The following COL23A1 variants were observed in gnomAD, a reference collection of about 807,000 sequenced individuals.
COL23A1 encodes collagen alpha-1(XXIII) chain.
In COL23A1, 97 loss-of-function variants were observed where a neutral mutation model predicts 99.3. That is an observed-to-expected ratio of 0.98 (90% CI 0.83 to 1.16). The LOEUF is 1.16. COL23A1 is among the 50% of genes most tolerant of loss of function. The pLI is 0.00. For missense variants in COL23A1, 762 were observed against 757.4 expected, an observed-to-expected ratio of 1.01 and a Z score of -0.07; for synonymous variants, 320 against 308.2, an observed-to-expected ratio of 1.04 and a Z score of -0.40.
intron 2 of COL23A1, among the ~76,000 whole-genome samples, chr5:178,353,431 T>C (rs1761443449): frequency 6.6e-6 from 1 of 152,096 alleles, no homozygotes; most frequent in African/African-American, 2.4e-5. Context: ...TGAGAAAATA[T>C]TTCCAACCCA....
intron 2 of COL23A1, among the ~76,000 whole-genome samples, chr5:178,471,530 T>A (rs1756751527): frequency 5.2e-5 from 1 of 19,214 alleles, no homozygotes; most frequent in Non-Finnish European, 8.9e-5. Context: ...TGAGCCACTG[T>A]GCCTTGGCCT....
chr5:178,428,113 A>G lies in COL23A1; in HGVS notation c.362-121194T>C, dbSNP rs1188712660. 6.6e-6 allele frequency among the ~76,000 whole-genome samples: 1 copy of G among 152,192 alleles called. No homozygotes were observed. Among genetic ancestry groups the G allele is most frequent in the African/African-American group, 2.4e-5 (1 of 41,446 alleles). On this transcript the variant is annotated intron_variant, in intron 2 of 28. Transcript: ENST00000390654. The surrounding 1 kb of genome is among the most constrained non-coding windows in gnomAD (Gnocchi z 5.0). ...GTCCAGCCTTTCCAGCAATGAGGGT[A>G]TCATCAAAAGCCCACATCTATGCTC...
At chr5:178,561,241 G>A (rs527741658) in intron 1 of COL23A1, among the ~76,000 whole-genome samples, 21 of 152,298 alleles carry the variant, frequency 1.4e-4, no homozygotes, top group Admixed American at 8.5e-4. Flanking sequence ...CTGATGGCCC[G>A]GGTTGAATCA....
rs1199245170 is a variant in COL23A1 at position 178,238,407 on chromosome 5, A to G, written c.*291T>C. On this transcript the variant is annotated 3_prime_UTR_variant, in exon 29 of 29. Transcript: ENST00000390654. ...TGCTGATCAGGTGACTGAAGGCCCAACGTAGCATCTTTCTAGCCTTGCCCG... is the reference window on the plus strand; with the variant it reads ...TGCTGATCAGGTGACTGAAGGCCCAGCGTAGCATCTTTCTAGCCTTGCCCG... 6 of 475,588 alleles carry G rather than the reference A, an allele frequency of 1.3e-5. No homozygotes were observed. The highest frequency in any genetic ancestry group is 2.3e-5 in the Non-Finnish European group (6 of 263,158). 29.5% of individuals were successfully genotyped at this position (475,588 alleles called of 1,614,324 possible).
chr5:178,377,064 C>A (rs769186866), intron 2 of COL23A1, among the ~76,000 whole-genome samples: 4 of 152,208 alleles, frequency 2.6e-5, no homozygotes, highest in Non-Finnish European at 5.9e-5. Context: ...AATGCGATGC[C>A]CCGCAGCCTG....
chr5:178,482,011 T>G (rs917144770), intron 2 of COL23A1, among the ~76,000 whole-genome samples: 5 of 136,610 alleles, frequency 3.7e-5, no homozygotes, highest in African/African-American at 1.3e-4. Context: ...CCCTAAAACT[T>G]AAAGTATAAT....
chr5:178,418,374 C>A (rs1028233599), intron 2 of COL23A1, among the ~76,000 whole-genome samples: 3 of 152,226 alleles, frequency 2.0e-5, no homozygotes, highest in Non-Finnish European at 4.4e-5. Flanking sequence ...GCTTGAAGTT[C>A]CTCCATGCAG....
chr5:178,497,918 A>T (rs2127979955), intron 2 of COL23A1, among the ~76,000 whole-genome samples: 1 of 152,196 alleles, frequency 6.6e-6, no homozygotes, highest in East Asian at 1.9e-4. Flanking sequence ...CATATTTAAA[A>T]GAGAATATAT....
At chr5:178,483,339 G>A (rs1045360958) in intron 2 of COL23A1, among the ~76,000 whole-genome samples, 3 of 152,058 alleles carry the variant, frequency 2.0e-5, no homozygotes, top group Non-Finnish European at 4.4e-5. Flanking sequence ...ATCTTGAATG[G>A]TAGGAATCTT....
chr5:178,523,947 C>T (rs142529814), intron 2 of COL23A1, among the ~76,000 whole-genome samples: 1 of 152,288 alleles, frequency 6.6e-6, no homozygotes, highest in African/African-American at 2.4e-5. Flanking sequence ...CTCCTATCTA[C>T]GACCCTTCCT....
At chr5:178,403,496 G>T (rs2127768675) in intron 2 of COL23A1, among the ~76,000 whole-genome samples, 1 of 152,326 alleles carries the variant, frequency 6.6e-6, no homozygotes, top group African/African-American at 2.4e-5. Context: ...CATCGATGGT[G>T]TCCACTCAGC....
Position 178,302,158 on chromosome 5 carries a change from G to A in COL23A1, c.406+4717C>T, listed in dbSNP as rs1336336015. Among the ~76,000 whole-genome samples the A allele has an allele frequency of 4.3e-5, 4 of 92,034 alleles. 2 individuals are homozygous for A. The highest frequency in any genetic ancestry group is 1.0e-4 in the Non-Finnish European group (4 of 39,152). The allele number at this position is 92,034 out of a possible 152,430, so 60.4% of individuals were successfully genotyped here. On this transcript the variant is annotated intron_variant, in intron 3 of 28. Coordinates refer to ENST00000390654, the MANE Select transcript of COL23A1 (RefSeq NM_173465.4). ...GCTTCAATCCACCTGTGTGTGCGCC[G>A]GAGCACAGCTTCAATGCTGCACCTC...
chr5:178,322,851 C>T (rs911658495), intron 2 of COL23A1, among the ~76,000 whole-genome samples: 5 of 152,204 alleles, frequency 3.3e-5, no homozygotes, highest in Non-Finnish European at 5.9e-5. Context: ...TGCACCACAA[C>T]GCAGCATGGG....
chr5:178,238,819 C>G, intron 28 of COL23A1, 119 bp from the exon 29 acceptor site: 2 of 1,386,130 alleles, frequency 1.4e-6, no homozygotes, highest in Non-Finnish European at 2.1e-6. Context: ...CCTCCCCCCA[C>G]TCCCTCTCAG....
intron 3 of COL23A1, among the ~76,000 whole-genome samples, chr5:178,298,851 T>G (rs1246483423): frequency 6.6e-6 from 1 of 152,230 alleles, no homozygotes; most frequent in Non-Finnish European, 1.5e-5. Context: ...TGAGCCACTG[T>G]GCCTAGCCTG....
At chr5:178,454,160 G>A (rs1767639329) in intron 2 of COL23A1, among the ~76,000 whole-genome samples, 1 of 152,112 alleles carries the variant, frequency 6.6e-6, no homozygotes, top group Non-Finnish European at 1.5e-5. Context: ...AAGTTAAAAG[G>A]GCTGTTTTCT....
chr5:178,514,878 C>A (rs185514865), intron 2 of COL23A1, among the ~76,000 whole-genome samples: 1 of 152,212 alleles, frequency 6.6e-6, no homozygotes, highest in African/African-American at 2.4e-5. Flanking sequence ...AATTATGATG[C>A]GGCATTTTCA....
At chr5:178,339,402 T>A (rs989298374) in intron 2 of COL23A1, among the ~76,000 whole-genome samples, 1 of 152,124 alleles carries the variant, frequency 6.6e-6, no homozygotes, top group African/African-American at 2.4e-5. Context: ...CGAAATGAGA[T>A]CCTTAAGCCT....
chr5:178,504,672 C>G (rs543624489), intron 2 of COL23A1, among the ~76,000 whole-genome samples: 2 of 152,176 alleles, frequency 1.3e-5, no homozygotes, highest in Admixed American at 6.5e-5. Context: ...AGCTGGTCCC[C>G]GCTGAGAGAA....
Sources: allele counts gnomAD v4.1 joint callset (sites outside exome capture counted in the v4.1 genomes callset), GRCh38; gene constraint gnomAD v4.1.1; non-coding constraint Gnocchi (gnomAD v3.1); transcripts MANE v1.5; gene names NCBI Gene and HGNC (gene_info 2026-07-23, HGNC 2026-07-21).